Variants in C1orf21 observed in about 807,000 individuals in gnomAD.
C1orf21 encodes the protein uncharacterized protein C1orf21.
Under a neutral mutation model 18.7 loss-of-function variants are expected in C1orf21, and 3 were observed. That is an observed-to-expected ratio of 0.16 (90% confidence interval 0.07 to 0.42). C1orf21 has a LOEUF of 0.42. C1orf21 is among the 10% of genes least tolerant of loss of function. The pLI is 0.99. For missense variants in C1orf21, 104 were observed against 143.6 expected (o/e 0.72, Z 1.41); for synonymous variants, 41 against 46.4 (o/e 0.88, Z 0.47).
intron 5 of C1orf21, among the ~76,000 whole-genome samples, chr1:184,607,398 A>C (rs1422796639): frequency 6.6e-6 from 1 of 152,174 alleles, no homozygotes; most frequent in Non-Finnish European, 1.5e-5. Context: ...TGTAGGCATA[A>C]TATATAAAGA....
chr1:184,429,883 C>T (rs1417440345), intron 1 of C1orf21, among the ~76,000 whole-genome samples: 10 of 151,830 alleles, frequency 6.6e-5, no homozygotes, highest in South Asian at 2.1e-4. Flanking sequence ...CTGAGGTAGG[C>T]GGATCATGAG....
At chr1:184,505,953 T>C (rs925294157) in intron 2 of C1orf21, among the ~76,000 whole-genome samples, 28 of 152,138 alleles carry the variant, frequency 1.8e-4, no homozygotes, top group African/African-American at 6.8e-4. Context: ...TTAGCAATTG[T>C]TTTTCCAAAT....
At chr1:184,584,432 C>A (rs1464335326) in intron 3 of C1orf21, among the ~76,000 whole-genome samples, 2 of 152,132 alleles carry the variant, frequency 1.3e-5, no homozygotes, top group East Asian at 3.9e-4. Context: ...GTTGGTGGTG[C>A]AGATGTGGAG....
At chr1:184,582,697 A>G (rs1010398412) in intron 3 of C1orf21, among the ~76,000 whole-genome samples, 1 of 152,244 alleles carries the variant, frequency 6.6e-6, no homozygotes, top group African/African-American at 2.4e-5. Context: ...ACTAAGTGGG[A>G]TAAAAAAGGT....
chr1:184,452,259 A>T (rs1343275176), intron 1 of C1orf21, among the ~76,000 whole-genome samples: 1 of 152,206 alleles, frequency 6.6e-6, no homozygotes, highest in East Asian at 1.9e-4. Context: ...CATGTCTCCT[A>T]TGAAGGGCTT....
chr1:184,524,351 T>C (rs544016688), intron 3 of C1orf21, among the ~76,000 whole-genome samples: 4 of 152,286 alleles, frequency 2.6e-5, no homozygotes, highest in Admixed American at 6.5e-5. Context: ...TACGTATGAA[T>C]ATAAAACTAT....
rs1475651266 is a variant in C1orf21 at position 184,620,237 on chromosome 1, G to A, written c.*681G>A. 1 of 152,630 alleles carries A rather than the reference G, an allele frequency of 6.6e-6. No homozygotes were observed. The highest frequency in any genetic ancestry group is 1.9e-4 in the East Asian group (1 of 5,200). 9.5% of individuals were successfully genotyped at this position (152,630 alleles called of 1,614,324 possible). On this transcript the variant is annotated 3_prime_UTR_variant, in exon 6 of 6. Coordinates refer to ENST00000235307, the MANE Select transcript of C1orf21 (RefSeq NM_030806.4). ...AAGCTTGCAACATTGGCTTTGCTCA[G>A]ATGCAGATGGAAGTGTGATCACAAT...
At chr1:184,564,908 T>A (rs1458433411) in intron 3 of C1orf21, among the ~76,000 whole-genome samples, 1 of 152,186 alleles carries the variant, frequency 6.6e-6, no homozygotes, top group East Asian at 1.9e-4. Context: ...TCACCTGTTT[T>A]CGTTCTGCTA....
At chr1:184,542,618 G>A (rs953370276) in intron 3 of C1orf21, 2 of 152,258 alleles carry the variant, frequency 1.3e-5, no homozygotes, top group Admixed American at 6.5e-5. Context: ...CCATGTCAGA[G>A]AATCCTTTCT....
chr1:184,615,254 C>T (rs1659803429), intron 5 of C1orf21, among the ~76,000 whole-genome samples: 1 of 152,178 alleles, frequency 6.6e-6, no homozygotes, highest in African/African-American at 2.4e-5. Context: ...GTGGAAGCCT[C>T]TACACAGAGT....
At chr1:184,418,690 G>A (rs1259427147) in intron 1 of C1orf21, among the ~76,000 whole-genome samples, 1 of 152,124 alleles carries the variant, frequency 6.6e-6, no homozygotes, top group Non-Finnish European at 1.5e-5. Flanking sequence ...CATTAATTTT[G>A]ACACAGATTT....
intron 3 of C1orf21, chr1:184,567,450 A>G: frequency 1.8e-6 from 1 of 540,854 alleles, no homozygotes; most frequent in South Asian, 1.4e-5. Context: ...GCCTTTTTCC[A>G]GATTAACACT....
intron 3 of C1orf21, among the ~76,000 whole-genome samples, chr1:184,562,138 A>G (rs965544995): frequency 6.6e-6 from 1 of 152,182 alleles, no homozygotes; most frequent in African/African-American, 2.4e-5. Context: ...GAAAACTAGT[A>G]CATGGAGTAA....
chr1:184,470,677 G>A (rs1235642755), intron 1 of C1orf21, among the ~76,000 whole-genome samples: 2 of 152,132 alleles, frequency 1.3e-5, no homozygotes, highest in African/African-American at 4.8e-5. Flanking sequence ...TTAGGAGTTC[G>A]AGACCAGCCT....
intron 5 of C1orf21, among the ~76,000 whole-genome samples, chr1:184,604,030 T>C (rs1405294892): frequency 6.6e-6 from 1 of 152,196 alleles, no homozygotes; most frequent in African/African-American, 2.4e-5. Context: ...TATGAGTCGG[T>C]GTGTCAGAGA....
At position 184,625,618 on chromosome 1, in the gene C1orf21, A is replaced by G. The variant is rs1304057758; in HGVS notation, c.*6062A>G. The G allele has an allele frequency of 6.6e-6, 1 of 152,648 alleles. No homozygotes were observed. Among genetic ancestry groups the G allele is most frequent in the Non-Finnish European group, 1.5e-5 (1 of 68,036 alleles). The allele number at this position is 152,648 out of a possible 1,614,324, so 9.5% of individuals were successfully genotyped here. A position where few individuals can be genotyped will look rare whatever the true frequency, so the allele number is the denominator to read the frequency against. ...ATTTACTCTATCATTGCAATACTTC[A>G]AGAAAGAGCTGTATTTTGCCTTTCT... On this transcript the variant is annotated 3_prime_UTR_variant, in exon 6 of 6. Transcript: ENST00000235307.
intron 1 of C1orf21, among the ~76,000 whole-genome samples, chr1:184,468,189 C>A (rs115161679): frequency 1.4e-3 from 216 of 152,288 alleles, no homozygotes; most frequent in Middle Eastern, 0.014. Context: ...GGAAGACTTT[C>A]GGATAGTCAG....
At chr1:184,613,079 A>C (rs777173786) in intron 5 of C1orf21, among the ~76,000 whole-genome samples, 3 of 152,054 alleles carry the variant, frequency 2.0e-5, no homozygotes, top group Non-Finnish European at 2.9e-5. Context: ...CCTCCCGAGT[A>C]GCTGGGATTA....
chr1:184,578,361 T>C (rs1432727213), intron 3 of C1orf21, among the ~76,000 whole-genome samples: 1 of 152,234 alleles, frequency 6.6e-6, no homozygotes, highest in Non-Finnish European at 1.5e-5. Context: ...GTAAATGTGA[T>C]TCCCATTCAC....
Sources: gnomAD v4.1 joint callset for allele counts (sites outside exome capture counted in the v4.1 genomes callset) on GRCh38, gnomAD v4.1.1 for gene constraint, MANE v1.5 for transcripts, NCBI Gene and HGNC (gene_info 2026-07-23, HGNC 2026-07-21) for gene names.